SEL1L3: variants seen among roughly 807,000 people sequenced by gnomAD.
The protein encoded by SEL1L3 is SEL1L family member 3, also known as protein sel-1 homolog 3.
Under a neutral mutation model 142.8 loss-of-function variants are expected in SEL1L3, and 76 were observed. The ratio of observed to expected loss-of-function variants is 0.53; its 90% CI spans 0.44 to 0.64. The LOEUF (loss-of-function observed/expected upper bound fraction) is 0.64, where lower values mean the gene tolerates loss of function less well. SEL1L3 is among the 30% of genes least tolerant of loss of function. The probability of loss-of-function intolerance (pLI) is 0.00; values close to 1 mark genes in which losing one functional copy is unlikely to be tolerated. For synonymous variants in SEL1L3, 504 were observed against 519.6 expected, an observed-to-expected ratio of 0.97 and a Z score of 0.41; for missense variants, 1,262 against 1,381.7, an observed-to-expected ratio of 0.91 and a Z score of 1.37.
At chr4:25,742,463 A>G (rs1233198484), downstream of SEL1L3, among the ~76,000 whole-genome samples, 1 of 151,222 alleles carries the variant, frequency 6.6e-6, no homozygotes, top group Non-Finnish European at 1.5e-5. Flanking sequence ...ACACCTGGCT[A>G]ATTTTTGTAT....
At chr4:25,814,245 C>T (rs1474717250) in intron 9 of SEL1L3, among the ~76,000 whole-genome samples, 1 of 152,102 alleles carries the variant, frequency 6.6e-6, no homozygotes, top group East Asian at 1.9e-4. Flanking sequence ...TTTTCTTTTA[C>T]ATTAGCCTAA....
At chr4:25,750,024 A>G (rs762373954) in intron 23 of SEL1L3, among the ~76,000 whole-genome samples, 7 of 152,028 alleles carry the variant, frequency 4.6e-5, no homozygotes, top group Non-Finnish European at 8.8e-5. Flanking sequence ...ACCTGAGGTC[A>G]GGAGTTTGAG....
chr4:25,815,452 A>C (rs186479542), intron 9 of SEL1L3, among the ~76,000 whole-genome samples: 1 of 152,226 alleles, frequency 6.6e-6, no homozygotes, highest in Non-Finnish European at 1.5e-5. Context: ...AAATCATTCT[A>C]AATTCTTATA....
intron 23 of SEL1L3, among the ~76,000 whole-genome samples, chr4:25,753,390 G>A (rs945555081): frequency 6.6e-6 from 1 of 152,196 alleles, no homozygotes; most frequent in African/African-American, 2.4e-5. Flanking sequence ...CTGACGGGAG[G>A]CTCCTAACTC....
chr4:25,785,803 T>C (rs1711780100), intron 13 of SEL1L3, among the ~76,000 whole-genome samples: 1 of 152,096 alleles, frequency 6.6e-6, no homozygotes, highest in Non-Finnish European at 1.5e-5. Context: ...CTGGTTGAAG[T>C]ATAATAAGTT....
the SEL1L3 span, among the ~76,000 whole-genome samples, chr4:25,717,508 A>T: frequency 2.0e-5 from 3 of 152,214 alleles, no homozygotes; most frequent in Admixed American, 1.3e-4. Flanking sequence ...TCTACTAAAA[A>T]TACAAAAAAT....
chr4:25,834,322 C>A (rs921752712), intron 3 of SEL1L3, among the ~76,000 whole-genome samples: 1 of 152,214 alleles, frequency 6.6e-6, no homozygotes, highest in East Asian at 1.9e-4. Flanking sequence ...CCCCTTGATA[C>A]CGCACACAAT....
Position 25,807,448 on chromosome 4 carries a change from T to C in SEL1L3, c.1565-2696A>G, listed in dbSNP as rs551491379. On this transcript the variant is annotated intron_variant, in intron 9 of 23. Coordinates refer to ENST00000399878, the MANE Select transcript of SEL1L3 (RefSeq NM_015187.5). ...AATAAGAACGTGGAATACACTGAAT[T>C]CAGTAGACACTGTAGCACTCAGAGT... Among the ~76,000 whole-genome samples the C allele has an allele frequency of 2.0e-5, 3 of 152,228 alleles. No individual in the cohort carries two copies. In the East Asian group the frequency reaches 5.8e-4, roughly 29 times the overall value.
chr4:25,719,717 G>A, the SEL1L3 span: 6 of 152,250 alleles, frequency 3.9e-5, no homozygotes, highest in East Asian at 7.7e-4. Context: ...CGGTAACAGT[G>A]TAATTGTTGG....
intron 1 of SEL1L3, among the ~76,000 whole-genome samples, chr4:25,854,065 C>T (rs1011200101): frequency 3.9e-5 from 6 of 152,034 alleles, no homozygotes; most frequent in African/African-American, 1.5e-4. Flanking sequence ...CTGGATAGTG[C>T]TATTCTAAAT....
intron 5 of SEL1L3, among the ~76,000 whole-genome samples, chr4:25,832,163 A>C (rs547035077): frequency 6.6e-6 from 1 of 152,254 alleles, no homozygotes; most frequent in Non-Finnish European, 1.5e-5. Context: ...GAAAGCAGCA[A>C]GGACTGACCT....
chr4:25,744,474 C>T (rs1463919230), downstream of SEL1L3, among the ~76,000 whole-genome samples: 1 of 151,694 alleles, frequency 6.6e-6, no homozygotes, highest in African/African-American at 2.4e-5. Context: ...ATGCCTCAGC[C>T]TCCTGAGTAG....
chr4:25,745,532 C>T (rs999824167), downstream of SEL1L3, among the ~76,000 whole-genome samples: 3 of 152,148 alleles, frequency 2.0e-5, no homozygotes, highest in Admixed American at 6.5e-5. Context: ...GGCAAGGGAC[C>T]TTTGTTTTCC....
chr4:25,750,605 C>CA (rs1560271997), intron 23 of SEL1L3, among the ~76,000 whole-genome samples: 1 of 152,174 alleles, frequency 6.6e-6, no homozygotes, highest in East Asian at 1.9e-4. Flanking sequence ...GTCACTGAAA[C>CA]ACTCTTCAGG....
intron 22 of SEL1L3, 37 bp downstream of exon 22, chr4:25,757,651 G>A: frequency 6.4e-7 from 1 of 1,562,648 alleles, no homozygotes; most frequent in Non-Finnish European, 8.7e-7. Context: ...AAAGGGCAGG[G>A]GCCACAAGGG....
intron 5 of SEL1L3, among the ~76,000 whole-genome samples, chr4:25,832,646 A>G (rs1455165539): frequency 6.6e-6 from 1 of 152,160 alleles, no homozygotes; most frequent in African/African-American, 2.4e-5. Flanking sequence ...TGATTACACT[A>G]TATAAACATG....
chr4:25,784,093 C>T (rs866949717), intron 14 of SEL1L3, 135 bp downstream of exon 14: 28 of 731,924 alleles, frequency 3.8e-5, no homozygotes, highest in Middle Eastern at 3.3e-4. Flanking sequence ...GCCGTGCTGG[C>T]GACCAACTGC....
chr4:25,863,535 G>C, upstream of SEL1L3: 1 of 702,712 alleles, frequency 1.4e-6, no homozygotes, highest in Non-Finnish European at 2.6e-6. Context: ...CAGGGCGAGT[G>C]TGCCCCCTGG....
At chr4:25,821,709 G>T (rs935219963) in intron 7 of SEL1L3, among the ~76,000 whole-genome samples, 1 of 152,160 alleles carries the variant, frequency 6.6e-6, no homozygotes, top group Admixed American at 6.5e-5. Flanking sequence ...TAGCTTAATC[G>T]CTGGATAGGC....
Sources: allele counts gnomAD v4.1 joint callset (sites outside exome capture counted in the v4.1 genomes callset), GRCh38; gene constraint gnomAD v4.1.1; transcripts MANE v1.5; gene names NCBI Gene and HGNC (gene_info 2026-07-23, HGNC 2026-07-21).